The following GYPC variants were observed in gnomAD, a reference collection of about 807,000 sequenced individuals.
GYPC encodes glycophorin C (Gerbich blood group), also known as glycophorin-C.
GYPC carries 14 observed loss-of-function variants against 12.6 expected under a neutral mutation model. That is an observed-to-expected ratio of 1.11 (90% CI 0.74 to 1.74). The LOEUF is 1.74. Among genes scored for constraint, GYPC ranks in the 40% most tolerant of loss-of-function variants. GYPC has a pLI of 0.00. For synonymous variants in GYPC, 78 were observed against 62.1 expected, an observed-to-expected ratio of 1.26 and a Z score of -1.20; for missense variants, 225 against 172.1, an observed-to-expected ratio of 1.31 and a Z score of -1.72.
intron 1 of GYPC, among the ~76,000 whole-genome samples, chr2:126,668,991 T>C (rs1275050784): frequency 6.6e-6 from 1 of 152,240 alleles, no homozygotes; most frequent in Non-Finnish European, 1.5e-5. Context: ...TCAATAGCTA[T>C]GTAGCTACTT....
At chr2:126,661,921 CT>C (rs2104769758) in intron 1 of GYPC, among the ~76,000 whole-genome samples, 1 of 152,370 alleles carries the variant, frequency 6.6e-6, no homozygotes, top group East Asian at 1.9e-4. Context: ...CCCTGCACCC[CT>C]GGCACACCCT....
Position 126,695,725 on chromosome 2 carries a change from C to T in GYPC, c.191-221C>T, listed in dbSNP as rs1968539. On this transcript the variant is annotated intron_variant, in intron 3 of 3. Coordinates refer to ENST00000259254, the MANE Select transcript of GYPC (RefSeq NM_002101.5). ...GCTTAAGGTAGGCTAGGCCAAGCTT[C>T]GATGCTCAGTAGGTTTGGAGTATTA... is the stretch of plus-strand genomic sequence containing the variant. Among the ~76,000 whole-genome samples, 90,097 of 152,126 alleles carry T rather than the reference C, an allele frequency of 0.59. 27,131 individuals carry two copies. The highest frequency in any genetic ancestry group is 0.7 in the African/African-American group (28,918 of 41,482).
chr2:126,686,182 A>G, intron 1 of GYPC: 7 of 985,330 alleles, frequency 7.1e-6, no homozygotes, highest in Non-Finnish European at 7.2e-6. Flanking sequence ...GCAACAGAGG[A>G]GTGTGACTTC....
At chr2:126,670,272 C>T (rs190395576) in intron 1 of GYPC, among the ~76,000 whole-genome samples, 6 of 152,324 alleles carry the variant, frequency 3.9e-5, no homozygotes, top group Admixed American at 3.3e-4. Context: ...TTGCTGGGGC[C>T]CTTCTGGGAC....
At chr2:126,662,190 A>T (rs928256407) in intron 1 of GYPC, among the ~76,000 whole-genome samples, 1 of 152,108 alleles carries the variant, frequency 6.6e-6, no homozygotes, top group Non-Finnish European at 1.5e-5. Flanking sequence ...AAAGGGGGGA[A>T]ATTATGGGTT....
chr2:126,677,553 GTGTATGTGAGTGTA>G (rs1216885790), intron 1 of GYPC, among the ~76,000 whole-genome samples: 1 of 146,188 alleles, frequency 6.8e-6, no homozygotes, highest in Admixed American at 6.8e-5. Flanking sequence ...ATGTGAGTGT[GTGTATGTGAGTGTA>G]TGTGTGTGAG....
intron 1 of GYPC, among the ~76,000 whole-genome samples, chr2:126,673,435 G>T (rs150130347): frequency 3.3e-5 from 5 of 152,282 alleles, no homozygotes; most frequent in African/African-American, 1.2e-4. Context: ...AGCCCTCCGT[G>T]TGCCAGTCGA....
chr2:126,681,159 C>T (rs1683140157), intron 1 of GYPC, among the ~76,000 whole-genome samples: 1 of 152,162 alleles, frequency 6.6e-6, no homozygotes, highest in African/African-American at 2.4e-5. Flanking sequence ...TTCTTAAAAG[C>T]CGGTACTTAA....
At chr2:126,695,190 C>T (rs1450109665) in intron 3 of GYPC, among the ~76,000 whole-genome samples, 1 of 152,146 alleles carries the variant, frequency 6.6e-6, no homozygotes, top group African/African-American at 2.4e-5. Flanking sequence ...CATCTTTTTT[C>T]CCCCTGTATA....
chr2:126,659,931 C>T (rs567789887), intron 1 of GYPC, among the ~76,000 whole-genome samples: 26 of 152,112 alleles, frequency 1.7e-4, no homozygotes, highest in African/African-American at 6.0e-4. Context: ...CTAGGACTAC[C>T]GGCATACGCC....
chr2:126,681,227 C>T (rs1053758471), intron 1 of GYPC, among the ~76,000 whole-genome samples: 3 of 152,082 alleles, frequency 2.0e-5, no homozygotes, highest in Admixed American at 1.3e-4. Context: ...GAATATTTTT[C>T]ATCATTTCTA....
Position 126,690,296 on chromosome 2 carries a change from A to G in GYPC, c.91A>G (p.Thr31Ala). ...GGCCTCTGCCTCCACCACAATGCAT[A>G]CTACCACCATTGCAGGTGAGTTCTC... is the stretch of plus-strand genomic sequence containing the variant. ...GMASASTTMH[T>A]TTIAEPDPGM... Residue 31 changes from threonine (T) to alanine (A), a missense_variant, in exon 2 of 4, where the codon ACT (threonine) becomes GCT (alanine). Transcript: ENST00000259254. 6.2e-7 allele frequency: 1 copy of G among 1,611,612 alleles called. No individual in the cohort carries two copies. Among genetic ancestry groups the G allele is most frequent in the Non-Finnish European group, 8.5e-7 (1 of 1,177,702 alleles).
chr2:126,693,039 T>A (rs1683520659), intron 2 of GYPC, among the ~76,000 whole-genome samples: 1 of 152,170 alleles, frequency 6.6e-6, no homozygotes, highest in Non-Finnish European at 1.5e-5. Context: ...CACCTGGTGC[T>A]ATGGTTTGGA....
At chr2:126,685,679 G>A (rs533457893) in intron 1 of GYPC, 25 of 632,288 alleles carry the variant, frequency 4.0e-5, no homozygotes, top group African/African-American at 9.9e-5. Flanking sequence ...CACTGCACCC[G>A]GCCTGGTAAA....
At chr2:126,668,630 G>A (rs1682752087) in intron 1 of GYPC, among the ~76,000 whole-genome samples, 2 of 152,204 alleles carry the variant, frequency 1.3e-5, no homozygotes, top group East Asian at 3.8e-4. Flanking sequence ...CAAACTCCAG[G>A]AAGAAATCTG....
intron 1 of GYPC, among the ~76,000 whole-genome samples, chr2:126,660,606 C>A (rs1019885057): frequency 2.6e-5 from 4 of 152,170 alleles, no homozygotes; most frequent in Non-Finnish European, 5.9e-5. Context: ...CGCCTGTCCC[C>A]CACTCAGGGC....
chr2:126,675,076 T>C (rs1464725325), intron 1 of GYPC, among the ~76,000 whole-genome samples: 3 of 152,158 alleles, frequency 2.0e-5, no homozygotes, highest in East Asian at 3.9e-4. Flanking sequence ...CAGCCATAGC[T>C]GAGTGCCCAG....
intron 2 of GYPC, among the ~76,000 whole-genome samples, chr2:126,691,449 T>C (rs1385471596): frequency 2.6e-5 from 4 of 152,050 alleles, no homozygotes; most frequent in Admixed American, 2.0e-4. Flanking sequence ...CTTCAGTCCT[T>C]TGTGTGGCCA....
At chr2:126,686,375 G>T (rs954797808) in intron 1 of GYPC, 2 of 985,696 alleles carry the variant, frequency 2.0e-6, no homozygotes, top group African/African-American at 1.7e-5. Context: ...CTCCAGGGGT[G>T]GCTGCCTTCT....
Sources: allele counts gnomAD v4.1 joint callset (sites outside exome capture counted in the v4.1 genomes callset), GRCh38; gene constraint gnomAD v4.1.1; transcripts MANE v1.5; gene names NCBI Gene and HGNC (gene_info 2026-07-23, HGNC 2026-07-21).